The following DLC1 variants were observed in gnomAD, a reference collection of about 807,000 sequenced individuals.
The protein encoded by DLC1 is DLC1 Rho GTPase activating protein.
A neutral mutation model predicts 140.3 loss-of-function variants in DLC1; 54 were observed. The ratio of observed to expected loss-of-function variants is 0.38; its 90% CI spans 0.31 to 0.48. The LOEUF is 0.48. Ranked by LOEUF, DLC1 falls within the 20% of genes least tolerant of loss-of-function variation. DLC1 has a pLI of 0.96. For missense variants in DLC1, 2,536 were observed against 1,907.0 expected (o/e 1.33, Z -6.14); for synonymous variants, 986 against 728.1 (o/e 1.35, Z -5.70).
chr8:13,328,959 T>C (rs1586147562), intron 4 of DLC1, among the ~76,000 whole-genome samples: 1 of 152,260 alleles, frequency 6.6e-6, no homozygotes, highest in East Asian at 1.9e-4. Context: ...AGCGTAGATA[T>C]GGAAATGTGA....
chr8:13,339,228 C>A (rs35918367), intron 4 of DLC1, among the ~76,000 whole-genome samples: 1 of 152,052 alleles, frequency 6.6e-6, no homozygotes, highest in Non-Finnish European at 1.5e-5. Flanking sequence ...AAGTTAAAAA[C>A]AACTATGCAA....
intron 5 of DLC1, among the ~76,000 whole-genome samples, chr8:13,132,427 G>GAAAAAA (rs1226820870): frequency 2.0e-5 from 3 of 151,488 alleles, no homozygotes; most frequent in Admixed American, 6.6e-5. Context: ...TTCAGGCAGT[G>GAAAAAA]ATGAAAAAAA....
chr8:13,585,304 C>T (rs1329009730), intron 1 of DLC1, among the ~76,000 whole-genome samples: 1 of 152,064 alleles, frequency 6.6e-6, no homozygotes, highest in Admixed American at 6.5e-5. Flanking sequence ...TGGCTTACAC[C>T]TGTAATCCCA....
At chr8:13,118,004 C>CT (rs35775672) in intron 5 of DLC1, among the ~76,000 whole-genome samples, 7,137 of 114,400 alleles carry the variant, frequency 0.062, 754 homozygotes, top group African/African-American at 0.2. Context: ...TGTTCTCTTT[C>CT]TTTTTTTTTT....
At chr8:13,422,993 G>C (rs1377453762) in intron 2 of DLC1, among the ~76,000 whole-genome samples, 1 of 152,154 alleles carries the variant, frequency 6.6e-6, no homozygotes, top group Non-Finnish European at 1.5e-5. Flanking sequence ...ACAGGGCATA[G>C]ACATATTAAC....
chr8:13,290,623 G>T (rs561707918), intron 5 of DLC1, among the ~76,000 whole-genome samples: 1 of 152,216 alleles, frequency 6.6e-6, no homozygotes, highest in South Asian at 2.1e-4. Flanking sequence ...GAGTATAAAA[G>T]GATGCCAGCC....
At position 13,524,817 on chromosome 8, in the gene DLC1, A is replaced by C. The variant is rs144630093; in HGVS notation, c.-125-24621T>G. Among the ~76,000 whole-genome samples the C allele has an allele frequency of 1.5e-3, 229 of 150,654 alleles. 1 individual carries two copies. Among genetic ancestry groups the C allele is most frequent in the African/African-American group, 5.4e-3 (219 of 40,878 alleles). On this transcript the variant is annotated intron_variant, in intron 1 of 1. Coordinates refer to the DLC1 transcript ENST00000631382. ...GTTGCTTTTGGCATTTCTCTTATGTATTTTACCAGGTTTATTGAGAGTTAA... is the reference window on the plus strand; with the variant it reads ...GTTGCTTTTGGCATTTCTCTTATGTCTTTTACCAGGTTTATTGAGAGTTAA...
intron 2 of DLC1, among the ~76,000 whole-genome samples, chr8:13,404,602 C>T (rs548858250): frequency 2.6e-5 from 4 of 151,978 alleles, no homozygotes; most frequent in African/African-American, 9.7e-5. Context: ...GGAAGGAATT[C>T]CCTGGGCAAC....
chr8:13,387,327 A>G (rs1031399290), intron 4 of DLC1, among the ~76,000 whole-genome samples: 8 of 152,084 alleles, frequency 5.3e-5, no homozygotes, highest in African/African-American at 1.9e-4. Context: ...GAACAGCATT[A>G]GGGAAAATCA....
chr8:13,120,141 G>A (rs972595232), intron 5 of DLC1, among the ~76,000 whole-genome samples: 2 of 150,934 alleles, frequency 1.3e-5, no homozygotes, highest in Non-Finnish European at 3.0e-5. Context: ...TCAGGAGTTC[G>A]AGACCAGCCT....
intron 5 of DLC1, among the ~76,000 whole-genome samples, chr8:13,183,199 C>A (rs1826141019): frequency 6.6e-6 from 1 of 152,164 alleles, no homozygotes; most frequent in Non-Finnish European, 1.5e-5. Context: ...TGCTTATTAG[C>A]TTAAGGAGAT....
chr8:13,358,359 A>G (rs2117062779), intron 4 of DLC1, among the ~76,000 whole-genome samples: 1 of 152,330 alleles, frequency 6.6e-6, no homozygotes, highest in South Asian at 2.1e-4. Context: ...CCCCCAGGTT[A>G]GTGAGACTGC....
chr8:13,395,247 G>C (rs1238595769), intron 3 of DLC1, among the ~76,000 whole-genome samples: 1 of 151,600 alleles, frequency 6.6e-6, no homozygotes, highest in Non-Finnish European at 1.5e-5. Context: ...CAACCTCCTT[G>C]AGTAGCTGGG....
chr8:13,222,580 A>G (rs983745138), intron 5 of DLC1, among the ~76,000 whole-genome samples: 3 of 152,174 alleles, frequency 2.0e-5, no homozygotes, highest in African/African-American at 7.2e-5. Context: ...AAATCTAAGC[A>G]TGACCTGGTG....
chr8:13,526,709 G>A (rs1802930202), intron 1 of DLC1, among the ~76,000 whole-genome samples: 1 of 151,954 alleles, frequency 6.6e-6, no homozygotes, highest in Non-Finnish European at 1.5e-5. Flanking sequence ...ATTCATAGGT[G>A]GGAATTGAAC....
At chr8:13,460,910 T>C (rs1367123143) in intron 2 of DLC1, among the ~76,000 whole-genome samples, 1 of 152,156 alleles carries the variant, frequency 6.6e-6, no homozygotes. Context: ...CAGGGTCCTG[T>C]GCGTGTAAAA....
chr8:13,431,155 A>C (rs1838843816), intron 2 of DLC1, among the ~76,000 whole-genome samples: 1 of 152,194 alleles, frequency 6.6e-6, no homozygotes, highest in Non-Finnish European at 1.5e-5. Flanking sequence ...ATAACTGAGA[A>C]GTCCAAGAGG....
intron 5 of DLC1, among the ~76,000 whole-genome samples, chr8:13,143,848 G>GAGAGAGAGAGAGAGAGAGACAT (rs1490009372): frequency 6.8e-6 from 1 of 147,716 alleles, no homozygotes; most frequent in African/African-American, 2.5e-5. Flanking sequence ...GAGAGAGAGA[G>GAGAGAGAGAGAGAGAGAGACAT]AGAGACATAG....
At chr8:13,478,638 C>G (rs1800547340) in intron 2 of DLC1, among the ~76,000 whole-genome samples, 1 of 152,186 alleles carries the variant, frequency 6.6e-6, no homozygotes, top group East Asian at 1.9e-4. Flanking sequence ...CTCATCAGTT[C>G]AAGGCTATCA....
Sources: gnomAD v4.1 joint callset for allele counts (sites outside exome capture counted in the v4.1 genomes callset) on GRCh38, gnomAD v4.1.1 for gene constraint, MANE v1.5 for transcripts, NCBI Gene and HGNC (gene_info 2026-07-23, HGNC 2026-07-21) for gene names.